The following XIRP2 variants were observed in gnomAD, a reference collection of about 807,000 sequenced individuals.
XIRP2 encodes the protein xin actin binding repeat containing 2.
Under a neutral mutation model 277.0 loss-of-function variants are expected in XIRP2, and 236 were observed. The observed-to-expected ratio is 0.85, with a 90% CI of 0.77 to 0.95. The LOEUF (loss-of-function observed/expected upper bound fraction) is 0.95. Ranked by LOEUF, XIRP2 falls within the 40% of genes least tolerant of loss-of-function variation. The probability of loss-of-function intolerance (pLI) is 0.00; values close to 1 mark genes in which losing one functional copy is unlikely to be tolerated. For missense variants in XIRP2, 4,640 were observed against 4,157.5 expected (o/e 1.12, Z -3.19); for synonymous variants, 1,490 against 1,416.5 (o/e 1.05, Z -1.17).
intron 2 of XIRP2, among the ~76,000 whole-genome samples, chr2:166,933,636 C>T (rs1685412186): frequency 6.6e-6 from 1 of 151,082 alleles, no homozygotes; most frequent in African/African-American, 2.4e-5. Context: ...CCAGAAGGTG[C>T]ATGTTTGTGT....
At chr2:166,946,919 C>A (rs1558926412) in intron 2 of XIRP2, among the ~76,000 whole-genome samples, 1 of 152,082 alleles carries the variant, frequency 6.6e-6, no homozygotes, top group Non-Finnish European at 1.5e-5. Context: ...GGGCAAATAT[C>A]ATTTTCATTG....
At chr2:167,219,060 T>A (rs183744145) in intron 5 of XIRP2, among the ~76,000 whole-genome samples, 149 of 152,054 alleles carry the variant, frequency 9.8e-4, no homozygotes, top group African/African-American at 3.4e-3. Context: ...TATTTTTTTT[T>A]AATCCCCGGG....
intron 2 of XIRP2, among the ~76,000 whole-genome samples, chr2:167,130,287 C>T (rs181911484): frequency 5.2e-4 from 79 of 152,294 alleles, no homozygotes; most frequent in African/African-American, 1.8e-3. Flanking sequence ...TCCCCACCAA[C>T]CACCAACCAT....
At chr2:166,901,289 T>G (rs1232814959) in intron 1 of XIRP2, among the ~76,000 whole-genome samples, 2 of 152,114 alleles carry the variant, frequency 1.3e-5, no homozygotes, top group African/African-American at 2.4e-5. Flanking sequence ...CACCGCCTTA[T>G]TGTTCCTCAG....
chr2:167,231,375 A>C (rs1559031762), intron 5 of XIRP2, among the ~76,000 whole-genome samples: 1 of 152,010 alleles, frequency 6.6e-6, no homozygotes, highest in Non-Finnish European at 1.5e-5. Flanking sequence ...GTAACGTCTC[A>C]TGGAACATAC....
chr2:167,122,881 G>GT (rs1029520454), intron 2 of XIRP2, among the ~76,000 whole-genome samples: 85 of 152,198 alleles, frequency 5.6e-4, no homozygotes, highest in African/African-American at 1.9e-3. Flanking sequence ...TGCATTTACA[G>GT]TTTTTTTATT....
chr2:167,066,620 G>A lies in XIRP2; in HGVS notation c.409-69289G>A, dbSNP rs111803132. ...TATTAACTAGCAACCCCACTTCTAC[G>A]TACATATCCAAAATTATTGAAATCA... On this transcript the variant is annotated intron_variant, in intron 2 of 10. Coordinates refer to ENST00000409195, the MANE Select transcript of XIRP2 (RefSeq NM_152381.6). Among the ~76,000 whole-genome samples, 16 of 152,046 alleles carry A rather than the reference G, an allele frequency of 1.1e-4. No homozygotes were observed. The South Asian group carries it at 2.3e-3, about 22-fold the overall frequency.
At chr2:167,014,806 A>G (rs886299996) in intron 2 of XIRP2, among the ~76,000 whole-genome samples, 4 of 151,824 alleles carry the variant, frequency 2.6e-5, no homozygotes, top group Admixed American at 6.6e-5. Flanking sequence ...TCTATTTTAC[A>G]GTTAAGAAAA....
intron 2 of XIRP2, among the ~76,000 whole-genome samples, chr2:166,929,079 C>A (rs1027120134): frequency 2.6e-5 from 4 of 152,030 alleles, no homozygotes; most frequent in African/African-American, 9.7e-5. Flanking sequence ...GCAGCCTCAG[C>A]CTCACCTGTG....
At position 167,247,509 on chromosome 2, in the gene XIRP2, G is replaced by A; in HGVS notation, c.6117G>A (p.Leu2039=). ...ATCGTGAACAAAACAATGATGCTCT[G>A]GAGAAAAGCCTTAGAAGACTATCTA... ...VIDREQNNDA[L]EKSLRRLSNS... is the part of the protein sequence containing the mutation. The change falls in exon 9 of 11, where the codon CTG becomes CTA. Residue 2039 remains leucine (L), a synonymous_variant. Coordinates refer to ENST00000409195, the MANE Select transcript of XIRP2 (RefSeq NM_152381.6). 6.2e-7 allele frequency: 1 copy of A among 1,613,712 alleles called. No individual in the cohort carries two copies. The highest frequency in any genetic ancestry group is 1.1e-5 in the South Asian group (1 of 91,062).
At chr2:167,095,389 G>A (rs1166613005) in intron 2 of XIRP2, among the ~76,000 whole-genome samples, 1 of 152,124 alleles carries the variant, frequency 6.6e-6, no homozygotes, top group Non-Finnish European at 1.5e-5. Flanking sequence ...CTTTTCTTGT[G>A]CCGGTTTTCA....
chr2:167,232,286 T>C (rs1205711616), intron 5 of XIRP2, among the ~76,000 whole-genome samples: 3 of 151,966 alleles, frequency 2.0e-5, no homozygotes, highest in Non-Finnish European at 4.4e-5. Context: ...GTAAATAAAT[T>C]GGATAGGTGA....
At position 167,249,142 on chromosome 2, in the gene XIRP2, G is replaced by A. The variant is rs759471956; in HGVS notation, c.7750G>A (p.Glu2584Lys). ...CCAAAATCAACACATAACAGAGGTG[G>A]AAAAGGAAATGCCATTACAAAAAAC... ...QSQNQHITEV[E>K]KEMPLQKTNE... The change falls in exon 9 of 11, where the codon GAA (glutamate) becomes AAA (lysine). Residue 2584 changes from glutamate to lysine, a missense_variant. Glu to Lys is a moderately conservative substitution (Grantham distance 56). Transcript: ENST00000409195. 3 of 1,613,696 alleles carry A rather than the reference G, an allele frequency of 1.9e-6. No individual in the cohort carries two copies. Among genetic ancestry groups the A allele is most frequent in the Non-Finnish European group, 1.7e-6 (2 of 1,179,796 alleles).
chr2:167,116,678 T>C (rs749064499), intron 2 of XIRP2, among the ~76,000 whole-genome samples: 1 of 152,210 alleles, frequency 6.6e-6, no homozygotes, highest in Non-Finnish European at 1.5e-5. Flanking sequence ...TTATTTTTTA[T>C]GTTTGTTCTG....
chr2:167,056,172 A>G (rs554009436), intron 2 of XIRP2, among the ~76,000 whole-genome samples: 1 of 152,310 alleles, frequency 6.6e-6, no homozygotes, highest in Admixed American at 6.5e-5. Context: ...CTAAGATGGC[A>G]TTTACTGAAG....
intron 3 of XIRP2, among the ~76,000 whole-genome samples, chr2:167,144,981 T>C (rs895046634): frequency 4.6e-5 from 7 of 152,306 alleles, no homozygotes; most frequent in African/African-American, 1.7e-4. Context: ...AAACTATTTT[T>C]CTTGATGGTT....
intron 5 of XIRP2, among the ~76,000 whole-genome samples, chr2:167,223,788 T>C (rs1052662037): frequency 6.6e-6 from 1 of 152,182 alleles, no homozygotes; most frequent in Non-Finnish European, 1.5e-5. Context: ...GTATTGTCTT[T>C]TAATTATGAG....
At chr2:166,998,735 C>G (rs530095644) in intron 2 of XIRP2, among the ~76,000 whole-genome samples, 47 of 152,280 alleles carry the variant, frequency 3.1e-4, no homozygotes, top group Non-Finnish European at 6.0e-4. Context: ...AAACTGCCAA[C>G]TAACCTTTGA....
chr2:166,972,418 T>C (rs1686603094), intron 2 of XIRP2, among the ~76,000 whole-genome samples: 1 of 152,188 alleles, frequency 6.6e-6, no homozygotes, highest in East Asian at 1.9e-4. Flanking sequence ...GGAAAGCAGC[T>C]ACTAGCTATT....
Sources: allele counts gnomAD v4.1 joint callset (sites outside exome capture counted in the v4.1 genomes callset), GRCh38; gene constraint gnomAD v4.1.1; transcripts MANE v1.5; gene names NCBI Gene and HGNC (gene_info 2026-07-23, HGNC 2026-07-21).